Variants in CPNE4 observed in about 807,000 individuals in gnomAD.
CPNE4 encodes the protein copine-4.
A neutral mutation model predicts 67.9 loss-of-function variants in CPNE4; 25 were observed. The observed-to-expected ratio is 0.37, with a 90% CI of 0.27 to 0.51. The LOEUF (loss-of-function observed/expected upper bound fraction) is 0.51, where lower values mean the gene tolerates loss of function less well. Among genes scored for constraint, CPNE4 ranks in the 20% least tolerant of loss-of-function variants. CPNE4 has a pLI of 0.93. For synonymous variants in CPNE4, 242 were observed against 244.9 expected, an observed-to-expected ratio of 0.99 and a Z score of 0.11; for missense variants, 464 against 690.8, an observed-to-expected ratio of 0.67 and a Z score of 3.68.
At chr3:131,985,652 C>T (rs1185026589) in intron 1 of CPNE4, among the ~76,000 whole-genome samples, 1 of 152,012 alleles carries the variant, frequency 6.6e-6, no homozygotes, top group Admixed American at 6.6e-5. Flanking sequence ...GGTTTATATA[C>T]AAAATAAAAA....
At chr3:131,608,067 T>A (rs1013136944) in intron 7 of CPNE4, among the ~76,000 whole-genome samples, 1 of 152,220 alleles carries the variant, frequency 6.6e-6, no homozygotes, top group African/African-American at 2.4e-5. Flanking sequence ...ATAACTTGTT[T>A]ATGTATCTGA....
intron 2 of CPNE4, among the ~76,000 whole-genome samples, chr3:131,831,135 T>G (rs1054840559): frequency 6.6e-6 from 1 of 151,976 alleles, no homozygotes; most frequent in Non-Finnish European, 1.5e-5. Context: ...TCCTTCAAAA[T>G]GGAAACAATA....
intron 7 of CPNE4, among the ~76,000 whole-genome samples, chr3:131,610,820 T>G (rs1026049477): frequency 3.3e-5 from 5 of 152,144 alleles, no homozygotes; most frequent in African/African-American, 2.4e-5. Context: ...TTGGAAGACA[T>G]GCCATCTAAA....
rs1007660465 is a variant in CPNE4 at position 131,991,801 on chromosome 3, G to T, written c.-2+42766C>A. ...AATTGTTTCCTAGGCTGGGCCTCCT[G>T]CTCTGTGCAGCCTTAGGATATGGTA... is the stretch of plus-strand genomic sequence containing the variant. On this transcript the variant is annotated intron_variant, in intron 1 of 15. Transcript: ENST00000429747. Among the ~76,000 whole-genome samples the T allele has an allele frequency of 5.9e-5, 8 of 135,148 alleles. 1 individual carries two copies. Among genetic ancestry groups the T allele is most frequent in the Non-Finnish European group, 1.2e-4 (7 of 59,550 alleles). 88.7% of individuals were successfully genotyped at this position (135,148 alleles called of 152,430 possible).
intron 2 of CPNE4, among the ~76,000 whole-genome samples, chr3:131,758,441 T>C (rs987650824): frequency 1.3e-5 from 2 of 152,196 alleles, no homozygotes; most frequent in Admixed American, 1.3e-4. Context: ...TTGGAATGGC[T>C]GGATTTACTC....
intron 10 of CPNE4, among the ~76,000 whole-genome samples, chr3:131,567,866 G>T (rs1937136092): frequency 6.6e-6 from 1 of 151,986 alleles, no homozygotes; most frequent in African/African-American, 2.4e-5. Flanking sequence ...GTATTGGGCT[G>T]CCTGTTCTTG....
At chr3:131,665,278 C>T (rs957222532) in intron 7 of CPNE4, among the ~76,000 whole-genome samples, 93 of 152,172 alleles carry the variant, frequency 6.1e-4, no homozygotes, top group African/African-American at 2.1e-3. Context: ...CAAGGAGGCC[C>T]TCTACCTCCA....
intron 10 of CPNE4, among the ~76,000 whole-genome samples, chr3:131,567,150 T>C (rs1007475571): frequency 6.6e-6 from 1 of 151,936 alleles, no homozygotes; most frequent in Non-Finnish European, 1.5e-5. Flanking sequence ...TGTTCTGTGA[T>C]GACAAAAACA....
chr3:131,536,463 C>T (rs971206188), intron 15 of CPNE4, among the ~76,000 whole-genome samples: 7 of 152,216 alleles, frequency 4.6e-5, no homozygotes, highest in African/African-American at 1.4e-4. Context: ...TTGAGGCAGA[C>T]TTAACAAGTG....
chr3:131,654,131 C>T (rs2079887695), intron 7 of CPNE4, among the ~76,000 whole-genome samples: 2 of 152,172 alleles, frequency 1.3e-5, no homozygotes, highest in Non-Finnish European at 2.9e-5. Flanking sequence ...TCAGGTGATT[C>T]TAATATGAAT....
intron 1 of CPNE4, among the ~76,000 whole-genome samples, chr3:131,968,084 C>T (rs2072401770): frequency 6.6e-6 from 1 of 152,122 alleles, no homozygotes; most frequent in Non-Finnish European, 1.5e-5. Context: ...CTTTGACAAA[C>T]CTGACAAAAA....
chr3:131,979,052 G>C (rs1035953808), intron 1 of CPNE4, among the ~76,000 whole-genome samples: 1 of 152,030 alleles, frequency 6.6e-6, no homozygotes, highest in African/African-American at 2.4e-5. Context: ...TGGTCTGAGA[G>C]AGTGCTTGAT....
intron 1 of CPNE4, among the ~76,000 whole-genome samples, chr3:132,021,271 ATAT>A (rs2107689399): frequency 6.6e-6 from 1 of 152,366 alleles, no homozygotes; most frequent in East Asian, 1.9e-4. Context: ...TCATCTAGAA[ATAT>A]ATAATCATTC....
chr3:131,547,778 G>C (rs1935953407), intron 14 of CPNE4, among the ~76,000 whole-genome samples: 1 of 152,120 alleles, frequency 6.6e-6, no homozygotes, highest in Non-Finnish European at 1.5e-5. Context: ...ACCGGTTAGT[G>C]ATTTCAAGAA....
chr3:131,753,791 T>A (rs2082686774), intron 2 of CPNE4, among the ~76,000 whole-genome samples: 1 of 152,154 alleles, frequency 6.6e-6, no homozygotes, highest in Non-Finnish European at 1.5e-5. Flanking sequence ...GCTTGAGATA[T>A]AGCACCAAAG....
chr3:131,989,010 A>G (rs1278391561), intron 1 of CPNE4, among the ~76,000 whole-genome samples: 2 of 152,242 alleles, frequency 1.3e-5, no homozygotes, highest in Non-Finnish European at 2.9e-5. Context: ...TGACTATGTT[A>G]TATAGAGATA....
chr3:131,752,625 A>G (rs1268589228), intron 2 of CPNE4, among the ~76,000 whole-genome samples: 6 of 152,148 alleles, frequency 3.9e-5, no homozygotes, highest in Admixed American at 3.9e-4. Context: ...GGTTTTTGCC[A>G]TATTTAGTGA....
intron 2 of CPNE4, among the ~76,000 whole-genome samples, chr3:131,850,069 T>G (rs945459980): frequency 2.6e-5 from 4 of 152,186 alleles, no homozygotes; most frequent in Non-Finnish European, 4.4e-5. Flanking sequence ...TGTTATCCCC[T>G]TAATATTGGA....
At chr3:131,902,095 T>TATA (rs2088576292) in intron 2 of CPNE4, among the ~76,000 whole-genome samples, 1 of 143,358 alleles carries the variant, frequency 7.0e-6, no homozygotes, top group Non-Finnish European at 1.5e-5. Flanking sequence ...TTATTATTAT[T>TATA]ATATCCTTAC....
Sources: gnomAD v4.1 joint callset for allele counts (sites outside exome capture counted in the v4.1 genomes callset) on GRCh38, gnomAD v4.1.1 for gene constraint, MANE v1.5 for transcripts, NCBI Gene and HGNC (gene_info 2026-07-23, HGNC 2026-07-21) for gene names.